STXBP5L: variants seen among roughly 807,000 people sequenced by gnomAD.
The protein encoded by STXBP5L is syntaxin-binding protein 5-like.
Under a neutral mutation model 144.5 loss-of-function variants are expected in STXBP5L, and 65 were observed. That is an observed-to-expected ratio of 0.45 (90% CI 0.37 to 0.55). The LOEUF is 0.55. STXBP5L is among the 20% of genes least tolerant of loss of function. The pLI is 0.00. For synonymous variants in STXBP5L, 505 were observed against 469.6 expected (o/e 1.08, Z -0.97); for missense variants, 1,298 against 1,405.5 (o/e 0.92, Z 1.22).
chr3:121,202,562 T>A (rs2048179107), intron 9 of STXBP5L, among the ~76,000 whole-genome samples: 2 of 152,172 alleles, frequency 1.3e-5, no homozygotes, highest in Admixed American at 6.5e-5. Flanking sequence ...GGACTTTTTT[T>A]AGTATTTTTT....
At chr3:121,104,332 C>G (rs1036005152) in intron 5 of STXBP5L, among the ~76,000 whole-genome samples, 4 of 152,042 alleles carry the variant, frequency 2.6e-5, no homozygotes, top group African/African-American at 9.7e-5. Context: ...CAAAAATAAT[C>G]TACAGATTCA....
At chr3:121,343,162 T>C (rs1227278590) in intron 20 of STXBP5L, among the ~76,000 whole-genome samples, 1 of 152,192 alleles carries the variant, frequency 6.6e-6, no homozygotes, top group East Asian at 1.9e-4. Flanking sequence ...GAAGTGTCTG[T>C]TCATGTCCTT....
chr3:121,293,674 A>G (rs2051535167), intron 19 of STXBP5L, among the ~76,000 whole-genome samples: 1 of 152,198 alleles, frequency 6.6e-6, no homozygotes, highest in African/African-American at 2.4e-5. Flanking sequence ...AGCCTGGCCA[A>G]TATGGCGAAA....
chr3:120,908,459 GAGAC>G (rs1167563956), intron 1 of STXBP5L, 125 bp downstream of exon 1: 3 of 156,294 alleles, frequency 1.9e-5, no homozygotes, highest in Non-Finnish European at 2.8e-5. Context: ...GAGAGAGAGA[GAGAC>G]AGAGAGAGAC....
chr3:121,009,543 C>T (rs1204634480), intron 3 of STXBP5L, among the ~76,000 whole-genome samples: 1 of 151,936 alleles, frequency 6.6e-6, no homozygotes, highest in Non-Finnish European at 1.5e-5. Flanking sequence ...TACTGTACCA[C>T]CTTATGGAGA....
At chr3:121,087,534 ATTC>A (rs1323393794) in intron 5 of STXBP5L, among the ~76,000 whole-genome samples, 1 of 151,936 alleles carries the variant, frequency 6.6e-6, no homozygotes, top group Non-Finnish European at 1.5e-5. Flanking sequence ...ATCTTTGTCT[ATTC>A]TTATACTTTA....
At chr3:121,106,399 C>G (rs949496187) in intron 5 of STXBP5L, among the ~76,000 whole-genome samples, 1 of 152,078 alleles carries the variant, frequency 6.6e-6, no homozygotes, top group African/African-American at 2.4e-5. Flanking sequence ...ATGACACTTT[C>G]CCTCCCTCCC....
intron 5 of STXBP5L, among the ~76,000 whole-genome samples, chr3:121,046,645 A>G (rs907152325): frequency 2.6e-5 from 4 of 152,120 alleles, no homozygotes; most frequent in Admixed American, 6.6e-5. Context: ...GTCTATGTGC[A>G]TAGAGGTGTT....
At chr3:120,947,840 GTTTA>G (rs934002235) in intron 2 of STXBP5L, among the ~76,000 whole-genome samples, 2 of 151,816 alleles carry the variant, frequency 1.3e-5, no homozygotes, top group Middle Eastern at 3.4e-3. Flanking sequence ...ACCACATTTT[GTTTA>G]TTTATTCATC....
chr3:121,228,849 C>A (rs2108304061), intron 11 of STXBP5L, among the ~76,000 whole-genome samples: 1 of 152,240 alleles, frequency 6.6e-6, no homozygotes, highest in African/African-American at 2.4e-5. Context: ...TGCACTCCAA[C>A]CTGGGCGATA....
intron 5 of STXBP5L, among the ~76,000 whole-genome samples, chr3:121,100,224 A>G (rs1056736328): frequency 6.6e-6 from 1 of 152,142 alleles, no homozygotes; most frequent in African/African-American, 2.4e-5. Flanking sequence ...ATTCTGGATT[A>G]AATTTAACAC....
At chr3:121,168,963 G>A (rs1051799603) in intron 9 of STXBP5L, among the ~76,000 whole-genome samples, 2 of 152,158 alleles carry the variant, frequency 1.3e-5, no homozygotes, top group Non-Finnish European at 2.9e-5. Flanking sequence ...CCCACAAAGG[G>A]AAGCCCATTA....
intron 3 of STXBP5L, among the ~76,000 whole-genome samples, chr3:121,017,387 G>A (rs974902111): frequency 5.9e-5 from 9 of 152,212 alleles, no homozygotes; most frequent in Non-Finnish European, 1.2e-4. Flanking sequence ...AACAAGGTAA[G>A]GATGTATCCC....
chr3:121,245,883 AGACAAAAGATCAAGAAG>A (rs1316290329), intron 14 of STXBP5L, among the ~76,000 whole-genome samples: 1 of 152,234 alleles, frequency 6.6e-6, no homozygotes, highest in African/African-American at 2.4e-5. Context: ...CAGATCAACT[AGACAAAAGATCAAGAAG>A]GAAACAGGGT....
In STXBP5L at chr3:121,041,799, A is replaced by T; in HGVS notation, c.369+18A>T. On this transcript the variant is annotated intron_variant, in intron 4 of 26. Transcript: ENST00000471454. ...TCAATGAGGTAAGGATTATTTTTTG[A>T]CTACTTAAATCACACACTCCCCCAC... 6.3e-7 allele frequency: 1 copy of T among 1,576,972 alleles called. No homozygotes were observed.
intron 24 of STXBP5L, among the ~76,000 whole-genome samples, 151 bp from the exon 25 acceptor site, chr3:121,415,704 GGA>G (rs1358830637): frequency 6.6e-6 from 1 of 152,122 alleles, no homozygotes; most frequent in African/African-American, 2.4e-5. Context: ...AATGCCAGAG[GGA>G]GAACTGTGAG....
chr3:121,285,278 A>G (rs1283564146), intron 19 of STXBP5L, among the ~76,000 whole-genome samples: 1 of 152,044 alleles, frequency 6.6e-6, no homozygotes, highest in African/African-American at 2.4e-5. Context: ...TTGAAGTTGA[A>G]AAAAATGAAA....
chr3:121,278,120 C>T (rs2050941507), intron 18 of STXBP5L, among the ~76,000 whole-genome samples: 1 of 151,974 alleles, frequency 6.6e-6, no homozygotes, highest in African/African-American at 2.4e-5. Context: ...ATGAGACCAT[C>T]AATCTCTCTT....
chr3:120,974,968 G>A (rs28820921), intron 3 of STXBP5L, among the ~76,000 whole-genome samples: 32,466 of 151,936 alleles, frequency 0.21, 3,697 homozygotes, highest in Non-Finnish European at 0.26. Flanking sequence ...GTTTGAAGTC[G>A]GGTAGCGTGA....
Sources: allele counts gnomAD v4.1 joint callset (sites outside exome capture counted in the v4.1 genomes callset), GRCh38; gene constraint gnomAD v4.1.1; transcripts MANE v1.5; gene names NCBI Gene and HGNC (gene_info 2026-07-23, HGNC 2026-07-21).